The following TRMT2B variants were observed in gnomAD, a reference collection of about 807,000 sequenced individuals.
TRMT2B encodes the protein tRNA (uracil-5-)-methyltransferase homolog B.
A neutral mutation model predicts 39.7 loss-of-function variants in TRMT2B; 34 were observed. That is an observed-to-expected ratio of 0.86 (90% CI 0.65 to 1.14). The LOEUF (loss-of-function observed/expected upper bound fraction) is 1.14, where lower values mean the gene tolerates loss of function less well. Among genes scored for constraint, TRMT2B ranks in the 50% most tolerant of loss-of-function variants. TRMT2B has a pLI of 0.00. For synonymous variants in TRMT2B, 132 were observed against 137.3 expected (o/e 0.96, Z 0.27); for missense variants, 318 against 377.2 (o/e 0.84, Z 1.30).
intron 2 of TRMT2B, among the ~76,000 whole-genome samples, chrX:101,044,916 G>A (rs1462955922): frequency 3.7e-5 from 4 of 106,793 alleles, no homozygotes; most frequent in Non-Finnish European, 7.7e-5. Flanking sequence ...TGCAACCCCA[G>A]CTACTTGGGA....
At chrX:101,037,846 A>C (rs1225780768) in intron 5 of TRMT2B, 71 bp downstream of exon 5, 2 of 1,071,921 alleles carry the variant, frequency 1.9e-6, no homozygotes, top group Non-Finnish European at 2.5e-6. Flanking sequence ...GCAAGTACCC[A>C]GTAAATATCA....
chrX:100,993,592 T>C, the TRMT2B span, among the ~76,000 whole-genome samples: 25 of 111,637 alleles, frequency 2.2e-4, no homozygotes, highest in Non-Finnish European at 3.8e-4. Flanking sequence ...GGGTGAAGAA[T>C]CTAAGTTGAA....
Position 101,031,266 on chromosome X carries a change from C to T in TRMT2B, c.609+4347G>A, listed in dbSNP as rs766777368. Among the ~76,000 whole-genome samples, 7 of 112,106 alleles carry T rather than the reference C, an allele frequency of 6.2e-5. No homozygotes were observed. In the South Asian group the frequency reaches 2.2e-3, roughly 35 times the overall value. On this transcript the variant is annotated intron_variant, in intron 7 of 13. Transcript: ENST00000372936. ...CTAGGATTACAGGCATGAGCCACCA[C>T]ACCGGTCCTAAGGCCTCACTCTTAA... is the stretch of plus-strand genomic sequence containing the variant.
At chrX:100,988,508 G>C in the TRMT2B span, 2 of 1,167,678 alleles carry the variant, frequency 1.7e-6, no homozygotes, top group East Asian at 6.4e-5. Flanking sequence ...TACAATTGAA[G>C]GAGTGGCTTA....
chrX:101,022,145 G>GC (rs781725591), intron 8 of TRMT2B, 83 bp from the exon 9 acceptor site: 26 of 626,583 alleles, frequency 4.1e-5, no homozygotes, highest in Non-Finnish European at 6.0e-5. Context: ...AATCAGCCCT[G>GC]CAGTAGTCAG....
Position 101,037,058 on chromosome X carries a change from A to C in TRMT2B, c.454T>G (p.Tyr152Asp). ...PIIPSPVING[Y>D]RNKSTFSVNR... Reference sequence around the variant, plus strand: ...ACAGAGAAGGTGGACTTATTTCGGTAACCATTGATGACAGGCTGGAGAGGG... The same window carrying C: ...ACAGAGAAGGTGGACTTATTTCGGTCACCATTGATGACAGGCTGGAGAGGG... The change falls in exon 6 of 14, where the codon TAC (tyrosine) becomes GAC (aspartate). Residue 152 changes from tyrosine (Y) to aspartate (D), a missense_variant. Tyr to Asp is a radical substitution (Grantham distance 160). Coordinates refer to ENST00000372936, the MANE Select transcript of TRMT2B (RefSeq NM_024917.6). The C allele has an allele frequency of 8.3e-7, 1 of 1,209,923 alleles. No individual in the cohort carries two copies.
chrX:100,983,982 T>C, the TRMT2B span, among the ~76,000 whole-genome samples: 3 of 111,773 alleles, frequency 2.7e-5, no homozygotes, highest in African/African-American at 9.7e-5. Flanking sequence ...TGCTCCCAGG[T>C]ATGGGTGCAG....
At chrX:100,973,548 G>A in the TRMT2B span, 1 of 925,340 alleles carries the variant, frequency 1.1e-6, no homozygotes, top group Non-Finnish European at 1.5e-6. Context: ...TGGATAGAAT[G>A]AAGTAATAGA....
At chrX:100,988,678 A>G in the TRMT2B span, 1 of 491,851 alleles carries the variant, frequency 2.0e-6, no homozygotes, top group Non-Finnish European at 2.7e-6. Flanking sequence ...GGTGATTAGG[A>G]GAAAAGCACC....
the TRMT2B span, among the ~76,000 whole-genome samples, chrX:100,986,246 C>T: frequency 9.8e-5 from 11 of 112,049 alleles, no homozygotes; most frequent in Admixed American, 8.5e-4. Flanking sequence ...TTTCTGGTTT[C>T]GGTCTCTGAT....
chrX:101,028,337 T>TC (rs1326654325), intron 7 of TRMT2B, among the ~76,000 whole-genome samples: 1 of 109,850 alleles, frequency 9.1e-6, no homozygotes, highest in Non-Finnish European at 1.9e-5. Flanking sequence ...CAGGCTAGTC[T>TC]CCAACTCCTG....
the TRMT2B span, chrX:100,987,424 G>A: frequency 6.6e-6 from 8 of 1,208,995 alleles, no homozygotes; most frequent in African/African-American, 1.8e-5. Flanking sequence ...CTTGAAAGAA[G>A]AAACCATCAG....
the TRMT2B span, among the ~76,000 whole-genome samples, chrX:100,996,622 C>T: frequency 8.9e-6 from 1 of 112,148 alleles, no homozygotes; most frequent in Admixed American, 9.5e-5. Flanking sequence ...AACACAATTA[C>T]CATTTCAGGT....
At chrX:100,990,569 A>G in the TRMT2B span, 104 of 1,149,429 alleles carry the variant, frequency 9.0e-5, no homozygotes, top group African/African-American at 1.7e-3. Context: ...TAGCCATCAA[A>G]TCAATCCTAT....
the TRMT2B span, among the ~76,000 whole-genome samples, chrX:100,995,666 G>A: frequency 8.9e-6 from 1 of 111,948 alleles, no homozygotes; most frequent in African/African-American, 3.2e-5. Context: ...CTATGAGACA[G>A]CAGGCCTTTA....
chrX:101,038,174 C>G (rs1246639560), intron 4 of TRMT2B, 123 bp from the exon 5 acceptor site: 2 of 546,526 alleles, frequency 3.7e-6, no homozygotes, highest in African/African-American at 4.8e-5. Flanking sequence ...TCGAGACCAG[C>G]CTGACCAACA....
intron 7 of TRMT2B, among the ~76,000 whole-genome samples, chrX:101,026,097 G>A (rs1330457629): frequency 9.0e-6 from 1 of 110,674 alleles, no homozygotes. Flanking sequence ...AAAAAAGAGA[G>A]GAAGGAAGAA....
chrX:100,990,519 C>T, the TRMT2B span: 1 of 1,096,949 alleles, frequency 9.1e-7, no homozygotes, highest in Non-Finnish European at 1.2e-6. Context: ...TCTAATATCA[C>T]ATCCCTGAGA....
At chrX:101,018,292 G>A (rs1337645141) in intron 13 of TRMT2B, among the ~76,000 whole-genome samples, 3 of 110,263 alleles carry the variant, frequency 2.7e-5, no homozygotes, top group Admixed American at 9.8e-5. Flanking sequence ...TCAGTGAGCC[G>A]TGATTGTGCC....
Sources: allele counts gnomAD v4.1 joint callset (sites outside exome capture counted in the v4.1 genomes callset), GRCh38; gene constraint gnomAD v4.1.1; transcripts MANE v1.5; gene names NCBI Gene and HGNC (gene_info 2026-07-23, HGNC 2026-07-21).